The following CACNA1E variants were observed in gnomAD, a reference collection of about 807,000 sequenced individuals.
CACNA1E encodes voltage-dependent R-type calcium channel subunit alpha-1E.
In CACNA1E, 40 loss-of-function variants were observed where a neutral mutation model predicts 259.2. The observed-to-expected ratio is 0.15, with a 90% CI of 0.12 to 0.20. The LOEUF (loss-of-function observed/expected upper bound fraction) is 0.20. Ranked by LOEUF, CACNA1E falls within the 10% of genes least tolerant of loss-of-function variation. CACNA1E has a pLI of 1.00. For missense variants in CACNA1E, 1,874 were observed against 3,040.1 expected, an observed-to-expected ratio of 0.62 and a Z score of 9.02; for synonymous variants, 1,104 against 1,138.5, an observed-to-expected ratio of 0.97 and a Z score of 0.61.
chr1:181,494,731 G>A (rs1266311899), intron 1 of CACNA1E, among the ~76,000 whole-genome samples: 1 of 152,196 alleles, frequency 6.6e-6, no homozygotes, highest in Non-Finnish European at 1.5e-5. Flanking sequence ...TTTCTACACC[G>A]CACTGTCTAT....
intron 32 of CACNA1E, among the ~76,000 whole-genome samples, chr1:181,761,602 C>T (rs1658589005): frequency 1.3e-5 from 2 of 152,188 alleles, no homozygotes; most frequent in Admixed American, 6.5e-5. Flanking sequence ...GAAATTTTCT[C>T]CTCCTGGTAC....
chr1:181,525,431 A>T (rs1437498950), intron 3 of CACNA1E, among the ~76,000 whole-genome samples: 1 of 152,170 alleles, frequency 6.6e-6, no homozygotes, highest in Non-Finnish European at 1.5e-5. Context: ...AGAAACAATT[A>T]GTGTATTTCA....
intron 1 of CACNA1E, among the ~76,000 whole-genome samples, chr1:181,380,689 C>G (rs1418024964): frequency 2.6e-5 from 4 of 152,010 alleles, no homozygotes; most frequent in Non-Finnish European, 4.4e-5. Flanking sequence ...ATTAAAAATA[C>G]TGATGGTATG....
intron 2 of CACNA1E, among the ~76,000 whole-genome samples, chr1:181,456,847 C>A (rs890460005): frequency 6.6e-6 from 1 of 152,188 alleles, no homozygotes; most frequent in Non-Finnish European, 1.5e-5. Flanking sequence ...TGGGATGTGG[C>A]AGCTGGAGGT....
chr1:181,691,230 G>T (rs1183270020), intron 7 of CACNA1E, among the ~76,000 whole-genome samples: 1 of 151,192 alleles, frequency 6.6e-6, no homozygotes, highest in African/African-American at 2.4e-5. Context: ...TTAGTTCTTT[G>T]ATTTTATTTA....
intron 2 of CACNA1E, among the ~76,000 whole-genome samples, chr1:181,458,041 G>C (rs994481000): frequency 1.1e-4 from 17 of 152,214 alleles, no homozygotes; most frequent in African/African-American, 4.1e-4. Context: ...AGCGGCTGGA[G>C]GCTCCTCCAC....
chr1:181,766,028 C>A (rs143655244), intron 34 of CACNA1E, among the ~76,000 whole-genome samples: 290 of 152,292 alleles, frequency 1.9e-3, no homozygotes, highest in African/African-American at 6.8e-3. Context: ...AATGACATTT[C>A]ATCAGAAAAT....
intron 1 of CACNA1E, among the ~76,000 whole-genome samples, chr1:181,339,583 A>G (rs1651988744): frequency 6.6e-6 from 1 of 152,010 alleles, no homozygotes; most frequent in South Asian, 2.1e-4. Flanking sequence ...TAACCTTCCA[A>G]GGAAATTGTA....
At chr1:181,701,985 C>T (rs886224038) in intron 7 of CACNA1E, among the ~76,000 whole-genome samples, 1 of 152,142 alleles carries the variant, frequency 6.6e-6, no homozygotes, top group African/African-American at 2.4e-5. Context: ...AGAGAAAGAG[C>T]ATCTAGGATG....
intron 7 of CACNA1E, among the ~76,000 whole-genome samples, chr1:181,705,897 C>T (rs141199842): frequency 2.4e-3 from 366 of 152,228 alleles, no homozygotes; most frequent in South Asian, 0.02. Context: ...CAGAGGATAC[C>T]TAGATCCCCA....
chr1:181,593,573 C>T (rs564676583), intron 6 of CACNA1E, among the ~76,000 whole-genome samples: 2 of 152,240 alleles, frequency 1.3e-5, no homozygotes, highest in African/African-American at 4.8e-5. Flanking sequence ...GAGTCTTGCT[C>T]TGTCGCCCAG....
intron 2 of CACNA1E, among the ~76,000 whole-genome samples, chr1:181,418,717 A>T (rs1311855078): frequency 6.6e-6 from 1 of 151,976 alleles, no homozygotes; most frequent in Non-Finnish European, 1.5e-5. Flanking sequence ...AGTCATTTTG[A>T]TTCTCACATT....
chr1:181,551,422 T>C (rs1355172895), intron 3 of CACNA1E, among the ~76,000 whole-genome samples: 1 of 152,204 alleles, frequency 6.6e-6, no homozygotes, highest in Non-Finnish European at 1.5e-5. Flanking sequence ...GCAGGCTGCT[T>C]GGAGCCCAGG....
chr1:181,372,171 G>A (rs1280341564), intron 1 of CACNA1E, among the ~76,000 whole-genome samples: 2 of 152,182 alleles, frequency 1.3e-5, no homozygotes, highest in Non-Finnish European at 2.9e-5. Flanking sequence ...CACTGAATAT[G>A]TAAATTGCTT....
At chr1:181,325,999 C>T (rs542493374) in intron 1 of CACNA1E, among the ~76,000 whole-genome samples, 8 of 152,286 alleles carry the variant, frequency 5.3e-5, no homozygotes, top group East Asian at 1.9e-4. Context: ...CACACATCCT[C>T]GCCTCCTCCA....
intron 6 of CACNA1E, among the ~76,000 whole-genome samples, chr1:181,602,383 A>G (rs1653829062): frequency 6.6e-6 from 1 of 152,158 alleles, no homozygotes. Flanking sequence ...GAATATTTGT[A>G]TTATATTGGT....
chr1:181,735,832 C>A (rs902966631), intron 21 of CACNA1E, among the ~76,000 whole-genome samples: 3 of 152,134 alleles, frequency 2.0e-5, no homozygotes, highest in Admixed American at 6.5e-5. Context: ...ATTGCTAGAA[C>A]TTTAGTTTTC....
rs184849695 is a variant in CACNA1E, at chr1:181,658,411, C to A, written c.1055+6970C>A. Among the ~76,000 whole-genome samples the A allele has an allele frequency of 2.0e-5, 3 of 152,164 alleles. No homozygotes were observed. The East Asian group carries it at 5.8e-4, about 29-fold the overall frequency. Reference sequence around the variant, plus strand: ...TGTAAGAAACCACTTATTAGCATTGCGAATTTGGATAAGTTACTCTGAGCC... The same window carrying A: ...TGTAAGAAACCACTTATTAGCATTGAGAATTTGGATAAGTTACTCTGAGCC... On this transcript the variant is annotated intron_variant, in intron 7 of 47. Transcript: ENST00000367573.
intron 44 of CACNA1E, among the ~76,000 whole-genome samples, chr1:181,792,544 CTA>C (rs1345310924): frequency 1.3e-5 from 2 of 152,212 alleles, no homozygotes; most frequent in African/African-American, 4.8e-5. Flanking sequence ...CAAACAAACA[CTA>C]TAACTCCCTC....
Sources: allele counts gnomAD v4.1 joint callset (sites outside exome capture counted in the v4.1 genomes callset), GRCh38; gene constraint gnomAD v4.1.1; transcripts MANE v1.5; gene names NCBI Gene and HGNC (gene_info 2026-07-23, HGNC 2026-07-21).